The following PTPRO variants were observed in gnomAD, a reference collection of about 807,000 sequenced individuals.
The protein encoded by PTPRO is receptor-type tyrosine-protein phosphatase O.
Under a neutral mutation model 145.2 loss-of-function variants are expected in PTPRO, and 62 were observed. The observed-to-expected ratio is 0.43, with a 90% confidence interval of 0.35 to 0.53. The LOEUF is 0.53. Ranked by LOEUF, PTPRO falls within the 20% of genes least tolerant of loss-of-function variation. The pLI, the probability that PTPRO is intolerant of heterozygous loss-of-function variation, is 0.01. For missense variants in PTPRO, 1,345 were observed against 1,482.7 expected (o/e 0.91, Z 1.53); for synonymous variants, 565 against 514.7 (o/e 1.10, Z -1.32).
At chr12:15,394,859 A>G (rs1014428305) in intron 1 of PTPRO, among the ~76,000 whole-genome samples, 1 of 152,222 alleles carries the variant, frequency 6.6e-6, no homozygotes, top group Admixed American at 6.5e-5. Flanking sequence ...TGTAAGATTT[A>G]TTTGAGATAG....
At chr12:15,429,040 A>C (rs1940360091) in intron 1 of PTPRO, among the ~76,000 whole-genome samples, 1 of 152,160 alleles carries the variant, frequency 6.6e-6, no homozygotes, top group South Asian at 2.1e-4. Flanking sequence ...TCCTGTACCT[A>C]CTAAAAATCA....
intron 12 of PTPRO, among the ~76,000 whole-genome samples, chr12:15,537,177 C>T (rs910744487): frequency 2.6e-5 from 4 of 152,066 alleles, no homozygotes; most frequent in East Asian, 1.9e-4. Flanking sequence ...TCCTATGAAA[C>T]CATTAAATAA....
intron 1 of PTPRO, among the ~76,000 whole-genome samples, chr12:15,388,216 A>G (rs1303290855): frequency 6.6e-6 from 1 of 152,188 alleles, no homozygotes; most frequent in Non-Finnish European, 1.5e-5. Flanking sequence ...TCGTGTTAGA[A>G]TATAACATAC....
At chr12:15,458,671 T>C (rs1338111602) in intron 1 of PTPRO, among the ~76,000 whole-genome samples, 1 of 151,770 alleles carries the variant, frequency 6.6e-6, no homozygotes, top group African/African-American at 2.4e-5. Flanking sequence ...CTTCAGCTCA[T>C]TGATTTCTGA....
chr12:15,492,583 A>C (rs1942021445), intron 2 of PTPRO, among the ~76,000 whole-genome samples: 1 of 152,080 alleles, frequency 6.6e-6, no homozygotes, highest in African/African-American at 2.4e-5. Context: ...TATAGAATAA[A>C]CATGAATAAA....
intron 16 of PTPRO, among the ~76,000 whole-genome samples, chr12:15,559,133 T>A (rs532390799): frequency 6.6e-6 from 1 of 152,178 alleles, no homozygotes; most frequent in Non-Finnish European, 1.5e-5. Context: ...TACTTGTGAC[T>A]CATGAGAGAT....
chr12:15,350,341 CCTA>C (rs1937762000), intron 1 of PTPRO, among the ~76,000 whole-genome samples: 4 of 152,086 alleles, frequency 2.6e-5, no homozygotes. Context: ...CCGTGGAAGA[CCTA>C]CTATGTCATA....
chr12:15,557,890 G>C (rs553776974), intron 16 of PTPRO, among the ~76,000 whole-genome samples: 1 of 152,006 alleles, frequency 6.6e-6, no homozygotes, highest in South Asian at 2.1e-4. Context: ...GCGACAGATC[G>C]GCTTCTCCAT....
chr12:15,323,188 C>T (rs1268830654), intron 1 of PTPRO, among the ~76,000 whole-genome samples: 1 of 152,178 alleles, frequency 6.6e-6, no homozygotes, highest in African/African-American at 2.4e-5. Context: ...GCACAGAATG[C>T]TTTGTCTTAA....
chr12:15,490,539 C>G (rs1032181594), intron 2 of PTPRO, among the ~76,000 whole-genome samples: 4 of 152,204 alleles, frequency 2.6e-5, no homozygotes, highest in Non-Finnish European at 4.4e-5. Context: ...AATGTAAAAG[C>G]CTTTCTTAGC....
intron 1 of PTPRO, among the ~76,000 whole-genome samples, chr12:15,384,111 G>A (rs1938948403): frequency 6.6e-6 from 1 of 152,224 alleles, no homozygotes; most frequent in South Asian, 2.1e-4. Flanking sequence ...AATAAGGCAT[G>A]TAAGACTTCC....
At chr12:15,439,577 T>TATCATTAAAAAA in intron 1 of PTPRO, 1 of 275,486 alleles carries the variant, frequency 3.6e-6, no homozygotes, top group Non-Finnish European at 7.2e-6. Context: ...TCGGGGGCCC[T>TATCATTAAAAAA]GGGATGGGGA....
At chr12:15,371,785 C>T (rs566526317) in intron 1 of PTPRO, among the ~76,000 whole-genome samples, 2 of 152,144 alleles carry the variant, frequency 1.3e-5, no homozygotes, top group South Asian at 2.1e-4. Context: ...GGGTGGTTTC[C>T]CCCATGCTGT....
chr12:15,591,438 C>A (rs900469911), intron 25 of PTPRO, among the ~76,000 whole-genome samples: 8 of 152,112 alleles, frequency 5.3e-5, no homozygotes, highest in Admixed American at 5.2e-4. Flanking sequence ...TCTCCAACTA[C>A]AGATTCTTAA....
chr12:15,330,184 G>A (rs1866566590), intron 1 of PTPRO, among the ~76,000 whole-genome samples: 1 of 152,208 alleles, frequency 6.6e-6, no homozygotes, highest in African/African-American at 2.4e-5. Context: ...CAAAGGTAGA[G>A]CCAGCCTGGA....
chr12:15,424,195 G>A (rs1266750168), intron 1 of PTPRO, among the ~76,000 whole-genome samples: 1 of 152,114 alleles, frequency 6.6e-6, no homozygotes, highest in African/African-American at 2.4e-5. Context: ...TTTACATAGA[G>A]TGTATTCTAT....
chr12:15,385,811 C>CAAAAAAA (rs761750012), intron 1 of PTPRO, among the ~76,000 whole-genome samples: 15 of 37,018 alleles, frequency 4.1e-4, no homozygotes, highest in East Asian at 1.4e-3. Context: ...GACTCCATCT[C>CAAAAAAA]AAAAAAAAAA....
At chr12:15,449,817 T>G (rs560728363) in intron 1 of PTPRO, among the ~76,000 whole-genome samples, 1 of 152,320 alleles carries the variant, frequency 6.6e-6, no homozygotes, top group East Asian at 1.9e-4. Flanking sequence ...AGGAACTCTC[T>G]GTACTATCTT....
chr12:15,359,134 T>G (rs1162772670), intron 1 of PTPRO, among the ~76,000 whole-genome samples: 1 of 152,222 alleles, frequency 6.6e-6, no homozygotes, highest in African/African-American at 2.4e-5. Context: ...CACCTTGTAT[T>G]TTCCAGATGA....
Sources: allele counts gnomAD v4.1 joint callset (sites outside exome capture counted in the v4.1 genomes callset), GRCh38; gene constraint gnomAD v4.1.1; transcripts MANE v1.5; gene names NCBI Gene and HGNC (gene_info 2026-07-23, HGNC 2026-07-21).